The following HEATR4 variants were observed in gnomAD, a reference collection of about 807,000 sequenced individuals.
HEATR4 encodes the protein HEAT repeat-containing protein 4.
HEATR4 carries 95 observed loss-of-function variants against 108.8 expected under a neutral mutation model. That is an observed-to-expected ratio of 0.87 (90% confidence interval 0.74 to 1.04). The LOEUF is 1.04. Ranked by LOEUF, HEATR4 falls within the 50% of genes least tolerant of loss-of-function variation. The pLI, the probability that HEATR4 is intolerant of heterozygous loss-of-function variation, is 0.00. For synonymous variants in HEATR4, 443 were observed against 459.4 expected (o/e 0.96, Z 0.46); for missense variants, 1,152 against 1,253.8 (o/e 0.92, Z 1.23).
the HEATR4 span, among the ~76,000 whole-genome samples, chr14:73,589,597 G>A: frequency 6.6e-6 from 1 of 152,164 alleles, no homozygotes; most frequent in Non-Finnish European, 1.5e-5. Context: ...GAGATTACAA[G>A]TGTGTGCCCC....
chr14:73,491,919 C>T (rs1334516271), intron 17 of HEATR4: 1 of 1,613,306 alleles, frequency 6.2e-7, no homozygotes, highest in Non-Finnish European at 8.5e-7. Context: ...CTCCTCTGTC[C>T]GCAGGCTTTC....
At chr14:73,589,342 G>GAA in the HEATR4 span, among the ~76,000 whole-genome samples, 1 of 148,768 alleles carries the variant, frequency 6.7e-6, no homozygotes, top group African/African-American at 2.5e-5. Context: ...TCCTTTTTTT[G>GAA]AAAGTTTCGC....
intron 17 of HEATR4, chr14:73,491,444 G>T (rs1425072939): frequency 2.2e-6 from 3 of 1,384,680 alleles, no homozygotes; most frequent in Non-Finnish European, 2.8e-6. Flanking sequence ...GGTCCGGGTG[G>T]TGGAGACCTC....
intron 13 of HEATR4, 43 bp downstream of exon 13, chr14:73,499,028 G>A: frequency 6.5e-7 from 1 of 1,531,450 alleles, no homozygotes; most frequent in East Asian, 2.2e-5. Flanking sequence ...CATAGGCAAA[G>A]GTATTTAAGG....
At chr14:73,515,009 A>G (rs533483772) in intron 5 of HEATR4, among the ~76,000 whole-genome samples, 11 of 151,704 alleles carry the variant, frequency 7.3e-5, no homozygotes, top group African/African-American at 2.2e-4. Context: ...CGGAGGTTGC[A>G]GTGAGCTGAG....
chr14:73,612,117 A>G, the HEATR4 span, among the ~76,000 whole-genome samples: 1 of 151,584 alleles, frequency 6.6e-6, no homozygotes, highest in East Asian at 1.9e-4. Flanking sequence ...TCTTGGCTCA[A>G]TGCAACCTCT....
At chr14:73,565,050 T>G in the HEATR4 span, among the ~76,000 whole-genome samples, 1 of 152,134 alleles carries the variant, frequency 6.6e-6, no homozygotes, top group African/African-American at 2.4e-5. Context: ...ACAATTAAAC[T>G]GGTTAAACCA....
At chr14:73,616,080 C>T in the HEATR4 span, among the ~76,000 whole-genome samples, 1 of 151,784 alleles carries the variant, frequency 6.6e-6, no homozygotes, top group Non-Finnish European at 1.5e-5. Context: ...GATCCTCCCG[C>T]CTCTTCCTCC....
At chr14:73,619,923 T>TA in the HEATR4 span, 3 of 1,402,582 alleles carry the variant, frequency 2.1e-6, no homozygotes, top group South Asian at 3.0e-5. Context: ...TTTTCTCTTT[T>TA]TTTTTTTTTT....
At chr14:73,491,481 TAGC>T (rs1488656313) in intron 17 of HEATR4, 2 of 1,498,064 alleles carry the variant, frequency 1.3e-6, no homozygotes, top group Admixed American at 4.4e-5. Flanking sequence ...GCGCAACACT[TAGC>T]GGCCGTCCAG....
chr14:73,585,988 G>A, the HEATR4 span, among the ~76,000 whole-genome samples: 5 of 118,888 alleles, frequency 4.2e-5, no homozygotes, highest in East Asian at 4.8e-4. Context: ...CAGTCTGGGC[G>A]ACAGAGTGAG....
intron 4 of HEATR4, 179 bp downstream of exon 4, chr14:73,520,658 CAGTTCCCTCCCTATT>C (rs1343883974): frequency 3.8e-6 from 2 of 528,064 alleles, no homozygotes; most frequent in Non-Finnish European, 6.7e-6. Flanking sequence ...GGAGAGAGAG[CAGTTCCCTCCCTATT>C]AGTTATCACT....
chr14:73,503,092 C>T, intron 10 of HEATR4, 79 bp from the exon 11 acceptor site: 1 of 1,104,882 alleles, frequency 9.1e-7, no homozygotes, highest in Admixed American at 1.7e-5. Flanking sequence ...GTTTTTTCTT[C>T]TTTTTTTACT....
chr14:73,496,464 T>C (rs1886113513), intron 15 of HEATR4, 137 bp downstream of exon 15: 1 of 603,194 alleles, frequency 1.7e-6, no homozygotes, highest in Non-Finnish European at 3.0e-6. Context: ...TCAAATGATG[T>C]GGCATCTGTG....
In HEATR4 at chr14:73,495,396, G is replaced by T. The variant is rs1886056034; in HGVS notation, c.2626-9C>A. On this transcript the variant is annotated splice_polypyrimidine_tract_variant and intron_variant, in intron 15 of 17. Transcript: ENST00000553558. ...TGGCTTAGTGTTTTAATCTAAATTA[G>T]AACAAATAATGTTTGAAAAACAAAA... is the stretch of plus-strand genomic sequence containing the variant. The T allele has an allele frequency of 3.1e-6, 5 of 1,607,134 alleles. No homozygotes were observed. Among genetic ancestry groups the T allele is most frequent in the Non-Finnish European group, 2.6e-6 (3 of 1,175,588 alleles).
intron 9 of HEATR4, among the ~76,000 whole-genome samples, 193 bp from the exon 10 acceptor site, chr14:73,506,764 T>C (rs1419368209): frequency 6.7e-6 from 1 of 149,788 alleles, no homozygotes; most frequent in Non-Finnish European, 1.5e-5. Context: ...ATTTAATAAC[T>C]TAAACAGAAA....
the HEATR4 span, among the ~76,000 whole-genome samples, chr14:73,627,608 C>T: frequency 1.3e-5 from 2 of 152,164 alleles, no homozygotes; most frequent in Admixed American, 6.5e-5. Context: ...AGACACAGAG[C>T]TTCCATGTCC....
the HEATR4 span, among the ~76,000 whole-genome samples, chr14:73,622,000 C>T: frequency 6.6e-6 from 1 of 151,854 alleles, no homozygotes; most frequent in African/African-American, 2.4e-5. Flanking sequence ...TGGGCTCAAG[C>T]GAACTGCCCC....
At chr14:73,530,967 C>G (rs1423262435) in intron 1 of HEATR4, 5 of 99,456 alleles carry the variant, frequency 5.0e-5, no homozygotes, top group Admixed American at 3.6e-4. Flanking sequence ...AATCCCAAAA[C>G]TGGGGCCCAG....
Sources: allele counts gnomAD v4.1 joint callset (sites outside exome capture counted in the v4.1 genomes callset), GRCh38; gene constraint gnomAD v4.1.1; transcripts MANE v1.5; gene names NCBI Gene and HGNC (gene_info 2026-07-23, HGNC 2026-07-21).